SPATA31E1: variants seen among roughly 807,000 people sequenced by gnomAD.
SPATA31E1 encodes SPATA31 subfamily E member 1, also known as spermatogenesis-associated protein 31E1.
Under a neutral mutation model 12.9 loss-of-function variants are expected in SPATA31E1, and 7 were observed. The observed-to-expected ratio is 0.54, with a 90% CI of 0.31 to 1.02. The LOEUF is 1.02. SPATA31E1 is among the 50% of genes least tolerant of loss of function. The probability of loss-of-function intolerance (pLI) is 0.05; values close to 1 mark genes in which losing one functional copy is unlikely to be tolerated. For missense variants in SPATA31E1, 1,961 were observed against 1,799.8 expected (o/e 1.09, Z -1.62); for synonymous variants, 771 against 719.0 (o/e 1.07, Z -1.16).
intron 2 of SPATA31E1, 72 bp downstream of exon 2, chr9:87,884,118 C>T: frequency 6.5e-7 from 1 of 1,529,730 alleles, no homozygotes; most frequent in Non-Finnish European, 8.9e-7. Flanking sequence ...AAGTCATTTG[C>T]AGAGGCCTGA....
rs141359122 is a variant in SPATA31E1 at position 87,883,173 on chromosome 9, G to A, written c.282G>A (p.Pro94=). 1,471 of 1,582,350 alleles carry A rather than the reference G, an allele frequency of 9.3e-4. 1 individual carries two copies. The highest frequency in any genetic ancestry group is 1.2e-3 in the Non-Finnish European group (1,349 of 1,160,420). ...TCCACAGTGACCCACCCTCACCCCC[G>A]CCCGGGAGGAAGAGGAGCAGCAGGG... The part of the protein sequence containing the change: ...LYVHSDPPSP[P]PGRKRSSREP... Residue 94 remains proline (P), a synonymous_variant, in exon 1 of 4, where the codon CCG becomes CCA. Coordinates refer to ENST00000325643, the MANE Select transcript of SPATA31E1 (RefSeq NM_178828.5).
At chr9:87,884,840 C>T in intron 3 of SPATA31E1, 73 bp from the exon 4 acceptor site, 1 of 1,522,654 alleles carries the variant, frequency 6.6e-7, no homozygotes, top group Non-Finnish European at 8.8e-7. Context: ...CCGGGGGCCC[C>T]AGGTGCCCAC....
In SPATA31E1 at chr9:87,888,315, C is replaced by T. The variant is rs1172267127; in HGVS notation, c.3828C>T (p.Pro1276=). The T allele has an allele frequency of 3.1e-6, 5 of 1,614,170 alleles. No homozygotes were observed. The highest frequency in any genetic ancestry group is 3.4e-6 in the Non-Finnish European group (4 of 1,180,024). Residue 1276 remains proline, a synonymous_variant, in exon 4 of 4, where the codon CCC becomes CCT. Transcript: ENST00000325643. ...KISHHPQGLH[P]RKGGTRWEDV... ...GTCACCATCCACAGGGTCTACACCCCAGGAAAGGAGGCACACGGTGGGAAG... is the reference window on the plus strand; with the variant it reads ...GTCACCATCCACAGGGTCTACACCCTAGGAAAGGAGGCACACGGTGGGAAG...
At position 87,883,123 on chromosome 9, in the gene SPATA31E1, C is replaced by A; in HGVS notation, c.232C>A (p.Leu78Ile). 6.2e-7 allele frequency: 1 copy of A among 1,602,480 alleles called. No homozygotes were observed. ...CCTCACCAGTGTGTGTGGCCTAGTG[C>A]TCCTCTTCCTATTGCTCCTCTACGT... ...FILTSVCGLV[L>I]LFLLLLYVHS... Residue 78 changes from leucine to isoleucine, a missense_variant, in exon 1 of 4, where the codon CTC becomes ATC. By Grantham distance (5) the Leu-to-Ile change is conservative (BLOSUM62 2). Coordinates refer to ENST00000325643, the MANE Select transcript of SPATA31E1 (RefSeq NM_178828.5).
intron 3 of SPATA31E1, 86 bp from the exon 4 acceptor site, chr9:87,884,827 G>A: frequency 6.7e-7 from 1 of 1,486,702 alleles, no homozygotes; most frequent in African/African-American, 1.4e-5. Context: ...GGAGGTGGAG[G>A]AACCGGGGGC....
At position 87,887,188 on chromosome 9, in the gene SPATA31E1, A is replaced by G; in HGVS notation, c.2701A>G (p.Asn901Asp). Residue 901 changes from asparagine to aspartate, a missense_variant, in exon 4 of 4, where the codon AAT (asparagine) becomes GAT (aspartate). Transcript: ENST00000325643. Reference protein sequence around the residue: ...VPIFLGKRPQNGPGDNRTTSK... With the variant: ...VPIFLGKRPQDGPGDNRTTSK... ...CATTTTCCTGGGAAAACGTCCTCAGAATGGTCCAGGAGACAACAGAACAAC... is the reference window on the plus strand; with the variant it reads ...CATTTTCCTGGGAAAACGTCCTCAGGATGGTCCAGGAGACAACAGAACAAC... The G allele has an allele frequency of 6.2e-7, 1 of 1,614,094 alleles. No homozygotes were observed. Among genetic ancestry groups the G allele is most frequent in the Non-Finnish European group, 8.5e-7 (1 of 1,180,030 alleles).
rs1294603069 is a variant in SPATA31E1, at chr9:87,885,797, GC to G, written c.1312del (p.Gln438SerfsTer134). The G allele has an allele frequency of 6.2e-7, 1 of 1,613,924 alleles. No individual in the cohort carries two copies. Among genetic ancestry groups the G allele is most frequent in the Non-Finnish European group, 8.5e-7 (1 of 1,180,030 alleles). ...GGGAACCACTTACAGCAGAAACGCA[GC>G]CAGCTTTTCTGGGACCTCCCCTCTC... Reference protein sequence around the residue: ...TVGNHLQQKRSQLFWDLPSLN... With the variant: ...TVGNHLQQKRXQLFWDLPSLN... On this transcript the variant is annotated frameshift_variant, in exon 4 of 4. Transcript: ENST00000325643. LOFTEE classifies it low-confidence loss of function (END_TRUNC).
At chr9:87,884,101 C>T (rs1398321040) in intron 2 of SPATA31E1, 55 bp downstream of exon 2, 4 of 1,554,786 alleles carry the variant, frequency 2.6e-6, no homozygotes, top group Admixed American at 1.9e-5. Context: ...TTTGCCTGTC[C>T]CTGAGGAAGT....
Position 87,887,655 on chromosome 9 carries a change from T to C in SPATA31E1, c.3168T>C (p.Ser1056=), listed in dbSNP as rs757506586. 6.2e-7 allele frequency: 1 copy of C among 1,614,080 alleles called. No individual in the cohort carries two copies. Among genetic ancestry groups the C allele is most frequent in the Non-Finnish European group, 8.5e-7 (1 of 1,179,994 alleles). ...EVTLGASVRA[S]SGSVQEDLRS... ...CCTTGGGAGCCAGTGTGAGGGCAAG[T>C]TCGGGAAGTGTTCAGGAGGATCTGA... The change falls in exon 4 of 4, where the codon AGT becomes AGC. Residue 1056 remains serine, a synonymous_variant. Transcript: ENST00000325643.
At chr9:87,883,627 T>C (rs1350453210) in intron 1 of SPATA31E1, among the ~76,000 whole-genome samples, 3 of 151,950 alleles carry the variant, frequency 2.0e-5, no homozygotes, top group African/African-American at 7.3e-5. Context: ...CCCGGCCACA[T>C]GTGCTTTTTC....
At position 87,883,974 on chromosome 9, in the gene SPATA31E1, T is replaced by A; in HGVS notation, c.310-18T>A. On this transcript the variant is annotated intron_variant, in intron 1 of 3. Coordinates refer to ENST00000325643, the MANE Select transcript of SPATA31E1 (RefSeq NM_178828.5). ...ACTGAGAACTGGTCCCAGCCCCTCA[T>A]CCTTTCTTGCCTCTCAGCCTCAAAG... 6.2e-7 allele frequency: 1 copy of A among 1,601,056 alleles called. No individual in the cohort carries two copies. Among genetic ancestry groups the A allele is most frequent in the Non-Finnish European group, 8.5e-7 (1 of 1,172,778 alleles).
rs759225804 is a variant in SPATA31E1, at chr9:87,884,009, CG to C, written c.330del (p.Arg111GlyfsTer10). 22 of 1,607,298 alleles carry C rather than the reference CG, an allele frequency of 1.4e-5. No individual in the cohort carries two copies. Among genetic ancestry groups the C allele is most frequent in the East Asian group, 1.3e-4 (6 of 44,720 alleles). ...CCTCTCAGCCTCAAAGGGAGAGAAG[CG>C]GGAGGTCCAGGAGCAGGAAGATCTC... ...SSREPQRERS[G>X]RSRSRKISAL... On this transcript the variant is annotated frameshift_variant, in exon 2 of 4. Coordinates refer to ENST00000325643, the MANE Select transcript of SPATA31E1 (RefSeq NM_178828.5). LOFTEE classifies it high-confidence loss of function.
At position 87,887,277 on chromosome 9, in the gene SPATA31E1, C is replaced by A. The variant is rs1012909457; in HGVS notation, c.2790C>A (p.Val930=). 7.4e-6 allele frequency: 12 copies of A among 1,613,794 alleles called. No homozygotes were observed. The highest frequency in any genetic ancestry group is 8.5e-6 in the Non-Finnish European group (10 of 1,180,014). ...LAAPPPEQEG[V]QRPPRGSQSA... is the part of the protein sequence containing the mutation. ...CCCCACCGCCTGAGCAGGAGGGAGTCCAGAGGCCCCCGAGAGGGTCCCAGT... is the reference window on the plus strand; with the variant it reads ...CCCCACCGCCTGAGCAGGAGGGAGTACAGAGGCCCCCGAGAGGGTCCCAGT... The change falls in exon 4 of 4, where the codon GTC becomes GTA. Residue 930 remains valine, a synonymous_variant. Coordinates refer to ENST00000325643, the MANE Select transcript of SPATA31E1 (RefSeq NM_178828.5).
rs776042946 is a variant in SPATA31E1, at chr9:87,887,575, G to A, written c.3088G>A (p.Glu1030Lys). 6.2e-7 allele frequency: 1 copy of A among 1,614,180 alleles called. No homozygotes were observed. The highest frequency in any genetic ancestry group is 1.3e-5 in the African/African-American group (1 of 75,074). Residue 1030 changes from glutamate (E) to lysine (K), a missense_variant, in exon 4 of 4, where the codon GAA (glutamate) becomes AAA (lysine). Transcript: ENST00000325643. The part of the protein sequence containing the change: ...LSIGSQWARA[E>K]DALQALKVGE... Reference sequence around the variant, plus strand: ...CATAGGGTCCCAGTGGGCAAGGGCTGAAGATGCCCTGCAGGCACTGAAAGT... The same window carrying A: ...CATAGGGTCCCAGTGGGCAAGGGCTAAAGATGCCCTGCAGGCACTGAAAGT...
At position 87,887,611 on chromosome 9, in the gene SPATA31E1, C is replaced by T. The variant is rs1401908221; in HGVS notation, c.3124C>T (p.Pro1042Ser). ...ALQALKVGEK[P>S]PTWEVTLGAS... ...GCAGGCACTGAAAGTGGGGGAGAAGCCCCCAACTTGGGAAGTCACCTTGGG... is the reference window on the plus strand; with the variant it reads ...GCAGGCACTGAAAGTGGGGGAGAAGTCCCCAACTTGGGAAGTCACCTTGGG... Residue 1042 changes from proline (P) to serine (S), a missense_variant, in exon 4 of 4, where the codon CCC becomes TCC. By Grantham distance (74) the Pro-to-Ser change is moderately conservative. Coordinates refer to ENST00000325643, the MANE Select transcript of SPATA31E1 (RefSeq NM_178828.5). 10 of 1,614,122 alleles carry T rather than the reference C, an allele frequency of 6.2e-6. 1 individual carries two copies. The highest frequency in any genetic ancestry group is 3.3e-5 in the South Asian group (3 of 91,086).
Position 87,885,491 on chromosome 9 carries a change from C to G in SPATA31E1, c.1004C>G (p.Thr335Ser). Residue 335 changes from threonine to serine, a missense_variant, in exon 4 of 4, where the codon ACC (threonine) becomes AGC (serine). Transcript: ENST00000325643. The stretch of plus-strand genomic sequence containing the variant: ...CAGCCACGGCATCTTCCCGACCACA[C>G]CTCAGAGGCTTCCTTCTGGGGAGAC... ...KSQPRHLPDH[T>S]SEASFWGDPT... is the part of the protein sequence containing the mutation. 6.2e-7 allele frequency: 1 copy of G among 1,614,128 alleles called. No homozygotes were observed. The highest frequency in any genetic ancestry group is 1.1e-5 in the South Asian group (1 of 91,080).
Position 87,885,714 on chromosome 9 carries a change from G to A in SPATA31E1, c.1227G>A (p.Val409=). 3.1e-6 allele frequency: 5 copies of A among 1,613,612 alleles called. No homozygotes were observed. The highest frequency in any genetic ancestry group is 1.1e-5 in the South Asian group (1 of 91,072). The change falls in exon 4 of 4, where the codon GTG becomes GTA. Residue 409 remains valine (V), a synonymous_variant. Transcript: ENST00000325643. ...CGACCCTAAATCCCTTCTGGAACGT[G>A]TCAACCCAGCCACAGCAGCTGCCCC... ...DITTLNPFWN[V]STQPQQLPRP...
chr9:87,886,732 G>T lies in SPATA31E1; in HGVS notation c.2245G>T (p.Val749Leu). The change falls in exon 4 of 4, where the codon GTA (valine) becomes TTA (leucine). Residue 749 changes from valine (V) to leucine (L), a missense_variant. Val to Leu is a conservative substitution (Grantham distance 32). Transcript: ENST00000325643. The stretch of plus-strand genomic sequence containing the variant: ...ACGGAGGTCCTGGAAGTACCAATCA[G>T]TAAGTTCCACACCCAGGGACCCAGA... ...DLRRSWKYQS[V>L]SSTPRDPDKE... The T allele has an allele frequency of 6.2e-7, 1 of 1,614,000 alleles. No individual in the cohort carries two copies. Among genetic ancestry groups the T allele is most frequent in the Non-Finnish European group, 8.5e-7 (1 of 1,180,044 alleles).
chr9:87,886,670 A>C lies in SPATA31E1; in HGVS notation c.2183A>C (p.Lys728Thr). The C allele has an allele frequency of 6.2e-7, 1 of 1,613,964 alleles. No homozygotes were observed. Among genetic ancestry groups the C allele is most frequent in the Non-Finnish European group, 8.5e-7 (1 of 1,180,022 alleles). Residue 728 changes from lysine to threonine, a missense_variant, in exon 4 of 4, where the codon AAG becomes ACG. By Grantham distance (78) the Lys-to-Thr change is moderately conservative. Transcript: ENST00000325643. ...RDQGSGRTSV[K>T]ALDEDKEAEG... ...CAAGGCTCAGGAAGGACCTCAGTGA[A>C]GGCTCTGGACGAAGACAAGGAGGCA...
Sources: allele counts gnomAD v4.1 joint callset (sites outside exome capture counted in the v4.1 genomes callset), GRCh38; gene constraint gnomAD v4.1.1; transcripts MANE v1.5; gene names NCBI Gene and HGNC (gene_info 2026-07-23, HGNC 2026-07-21).